DIXDC1: variants seen among roughly 807,000 people sequenced by gnomAD.
The protein encoded by DIXDC1 is DIX domain containing 1.
Under a neutral mutation model 103.1 loss-of-function variants are expected in DIXDC1, and 64 were observed. The observed-to-expected ratio is 0.62, with a 90% CI of 0.51 to 0.76. The LOEUF is 0.76. DIXDC1 is among the 30% of genes least tolerant of loss of function. DIXDC1 has a pLI of 0.00. For missense variants in DIXDC1, 759 were observed against 834.2 expected (o/e 0.91, Z 1.11); for synonymous variants, 266 against 298.5 (o/e 0.89, Z 1.12).
Position 112,019,853 on chromosome 11 carries a change from G to A in DIXDC1, c.*817G>A, listed in dbSNP as rs1336605073. The A allele has an allele frequency of 2.0e-5, 3 of 152,090 alleles. No individual in the cohort carries two copies. Among genetic ancestry groups the A allele is most frequent in the Non-Finnish European group, 2.9e-5 (2 of 68,020 alleles). 9.4% of individuals were successfully genotyped at this position (152,090 alleles called of 1,614,324 possible). On this transcript the variant is annotated 3_prime_UTR_variant, in exon 20 of 20. Transcript: ENST00000440460. ...TGAAAAGCTCCTTGAAAATCCAGGCGGGTATGGAAAGGTGCTGCTACCCAT... is the reference window on the plus strand; with the variant it reads ...TGAAAAGCTCCTTGAAAATCCAGGCAGGTATGGAAAGGTGCTGCTACCCAT...
intron 10 of DIXDC1, among the ~76,000 whole-genome samples, chr11:111,989,719 A>G (rs1464850493): frequency 1.3e-5 from 2 of 152,158 alleles, no homozygotes; most frequent in African/African-American, 4.8e-5. Context: ...TAAAGGTATA[A>G]AAAGATAAAC....
chr11:111,986,770 C>T, intron 8 of DIXDC1, 101 bp from the exon 9 acceptor site: 1 of 1,008,988 alleles, frequency 9.9e-7, no homozygotes, highest in Middle Eastern at 2.1e-4. Flanking sequence ...ATCCACAGTA[C>T]AGAGCTGGCA....
chr11:111,929,520 C>T lies in DIXDC1; in HGVS notation c.-36-298C>T, dbSNP rs587769664. ...ATCACTTGAACCCAGGAGTTAAAGG[C>T]TGCAGTGAGTTATGACAGTGCCAGT... On this transcript the variant is annotated intron_variant, in intron 1 of 5. Transcript: ENST00000529225. 1.4e-4 allele frequency among the ~76,000 whole-genome samples: 20 copies of T among 146,618 alleles called. No homozygotes were observed. In the South Asian group the frequency reaches 4.3e-3, roughly 32 times the overall value.
At chr11:111,957,237 T>G (rs1196327498) in intron 1 of DIXDC1, among the ~76,000 whole-genome samples, 1 of 152,102 alleles carries the variant, frequency 6.6e-6, no homozygotes, top group African/African-American at 2.4e-5. Flanking sequence ...GGAATTACAA[T>G]TAATAAATGT....
At chr11:111,962,258 G>A (rs1196098214) in intron 1 of DIXDC1, among the ~76,000 whole-genome samples, 1 of 152,098 alleles carries the variant, frequency 6.6e-6, no homozygotes, top group Middle Eastern at 3.2e-3. Context: ...TAGGTGGGTG[G>A]ATCACCTGAG....
rs1039874492 is a variant in DIXDC1 at position 111,955,384 on chromosome 11, G to A, written c.61-9165G>A. 8.6e-5 allele frequency among the ~76,000 whole-genome samples: 13 copies of A among 151,278 alleles called. No homozygotes were observed. The Middle Eastern group carries it at 0.01, about 119-fold the overall frequency. On this transcript the variant is annotated intron_variant, in intron 1 of 19. Coordinates refer to ENST00000440460, the MANE Select transcript of DIXDC1 (RefSeq NM_001037954.4). ...GGAAGGAAAGGAGGGATGGAGGGAG[G>A]AAGAGAATGAGGAATAGCTGATCCA...
intron 1 of DIXDC1, among the ~76,000 whole-genome samples, chr11:111,953,714 C>T (rs1966856663): frequency 6.6e-6 from 1 of 152,116 alleles, no homozygotes; most frequent in Non-Finnish European, 1.5e-5. Flanking sequence ...ATGAACCTAA[C>T]TGTATTATAA....
chr11:112,009,490 G>A (rs1861344849), intron 17 of DIXDC1, among the ~76,000 whole-genome samples: 1 of 152,058 alleles, frequency 6.6e-6, no homozygotes, highest in Non-Finnish European at 1.5e-5. Flanking sequence ...CCAAAACCTG[G>A]CAGAGACATA....
intron 17 of DIXDC1, among the ~76,000 whole-genome samples, chr11:112,013,523 T>C (rs1390271481): frequency 6.6e-6 from 1 of 152,124 alleles, no homozygotes; most frequent in Non-Finnish European, 1.5e-5. Flanking sequence ...AAATGAATAA[T>C]GAGATGACGT....
chr11:111,929,946 G>A (rs1555167503), intron 2 of DIXDC1: 1 of 1,515,746 alleles, frequency 6.6e-7, no homozygotes, highest in South Asian at 1.2e-5. Flanking sequence ...AAAGCGTGAT[G>A]ATGTTACTGG....
chr11:111,957,501 G>A (rs1859429069), intron 1 of DIXDC1, among the ~76,000 whole-genome samples: 1 of 152,190 alleles, frequency 6.6e-6, no homozygotes, highest in African/African-American at 2.4e-5. Context: ...CTTCAATAAC[G>A]AGATGTATTG....
At position 111,958,098 on chromosome 11, in the gene DIXDC1, C is replaced by A. The variant is rs1807637301; in HGVS notation, c.61-6451C>A. 6.6e-6 allele frequency among the ~76,000 whole-genome samples: 1 copy of A among 152,118 alleles called. No homozygotes were observed. Among genetic ancestry groups the A allele is most frequent in the Admixed American group, 6.5e-5 (1 of 15,288 alleles). The stretch of plus-strand genomic sequence containing the variant: ...TGGGGGCCAGGAGCAGGCAGGAGCC[C>A]CACCCTCCTGGGCGCAGCTGCAGTC... On this transcript the variant is annotated intron_variant, in intron 1 of 19. Transcript: ENST00000440460. This position sits in a 1 kb window ranked among gnomAD's most constrained non-coding sequence, Gnocchi z 4.2.
intron 1 of DIXDC1, among the ~76,000 whole-genome samples, chr11:111,944,649 G>C (rs925040753): frequency 1.3e-5 from 2 of 152,176 alleles, no homozygotes; most frequent in South Asian, 4.1e-4. Context: ...GGAGTGTCTT[G>C]GAGGAAGCTG....
At chr11:111,996,217 C>T in intron 17 of DIXDC1, 71 bp downstream of exon 17, 2 of 1,370,018 alleles carry the variant, frequency 1.5e-6, no homozygotes, top group Admixed American at 2.3e-5. Flanking sequence ...TTTCACACTA[C>T]ATTTTGGGGA....
chr11:111,933,746 T>C (rs1325300335), upstream of DIXDC1, among the ~76,000 whole-genome samples: 1 of 151,954 alleles, frequency 6.6e-6, no homozygotes, highest in Non-Finnish European at 1.5e-5. Flanking sequence ...AATATTTTTA[T>C]TGACAATTGT....
intron 10 of DIXDC1, among the ~76,000 whole-genome samples, chr11:111,990,674 G>A (rs782790876): frequency 3.3e-5 from 5 of 152,018 alleles, no homozygotes; most frequent in African/African-American, 7.2e-5. Flanking sequence ...TATAAACAAT[G>A]ATCTAACAGC....
At chr11:112,013,321 T>TGGGGGGGGGGGGGGGGGGGGGGG (rs1403269609) in intron 17 of DIXDC1, among the ~76,000 whole-genome samples, 3 of 35,698 alleles carry the variant, frequency 8.4e-5, no homozygotes, top group African/African-American at 2.0e-4. Context: ...GGTCGGGGGG[T>TGGGGGGGGGGGGGGGGGGGGGGG]GGGGGTGGGG....
intron 1 of DIXDC1, among the ~76,000 whole-genome samples, chr11:111,950,440 T>TATATATATATATATA (rs1566474109): frequency 1.4e-4 from 1 of 7,242 alleles, no homozygotes. Context: ...ATATATATAT[T>TATATATATATATATA]TTTTTTTTTT....
At chr11:111,941,582 G>A (rs1337795967) in intron 1 of DIXDC1, among the ~76,000 whole-genome samples, 6 of 151,966 alleles carry the variant, frequency 3.9e-5, no homozygotes, top group African/African-American at 1.2e-4. Context: ...TTGAGAGGCC[G>A]AGGCAGGAGG....
Sources: gnomAD v4.1 joint callset for allele counts (sites outside exome capture counted in the v4.1 genomes callset) on GRCh38, gnomAD v4.1.1 for gene constraint, Gnocchi (gnomAD v3.1) non-coding constraint, MANE v1.5 for transcripts, NCBI Gene and HGNC (gene_info 2026-07-23, HGNC 2026-07-21) for gene names.